Variants in TENM4 observed in about 807,000 individuals in gnomAD.
TENM4 encodes the protein teneurin-4.
A neutral mutation model predicts 243.3 loss-of-function variants in TENM4; 82 were observed. The ratio of observed to expected loss-of-function variants is 0.34; its 90% confidence interval spans 0.28 to 0.40. The LOEUF is 0.40. Ranked by LOEUF, TENM4 falls within the 10% of genes least tolerant of loss-of-function variation. The probability of loss-of-function intolerance (pLI) is 1.00; values close to 1 mark genes in which losing one functional copy is unlikely to be tolerated. For missense variants in TENM4, 3,138 were observed against 3,673.3 expected, an observed-to-expected ratio of 0.85 and a Z score of 3.77; for synonymous variants, 1,412 against 1,456.3, an observed-to-expected ratio of 0.97 and a Z score of 0.69.
intron 6 of TENM4, among the ~76,000 whole-genome samples, chr11:79,057,713 A>G (rs1406955755): frequency 1.3e-5 from 2 of 152,354 alleles, no homozygotes; most frequent in East Asian, 3.9e-4. Flanking sequence ...TGCCTGGTAC[A>G]TAGTAGGTGC....
intron 1 of TENM4, among the ~76,000 whole-genome samples, chr11:79,316,976 A>G (rs1414364887): frequency 6.6e-6 from 1 of 152,218 alleles, no homozygotes; most frequent in Non-Finnish European, 1.5e-5. Context: ...GAACTGGGCA[A>G]TGGGAGTTAT....
intron 4 of TENM4, among the ~76,000 whole-genome samples, chr11:79,085,856 A>C (rs1196316507): frequency 6.6e-6 from 1 of 152,188 alleles, no homozygotes; most frequent in Admixed American, 6.5e-5. Flanking sequence ...ATTGCTTGCC[A>C]CTTATTTCCT....
At chr11:79,255,823 C>G (rs945675502) in intron 2 of TENM4, among the ~76,000 whole-genome samples, 1 of 152,176 alleles carries the variant, frequency 6.6e-6, no homozygotes, top group Non-Finnish European at 1.5e-5. Flanking sequence ...TCTCTTCTGT[C>G]CCTTTCTCTA....
At chr11:79,189,766 T>C (rs146946677) in intron 3 of TENM4, among the ~76,000 whole-genome samples, 2 of 152,364 alleles carry the variant, frequency 1.3e-5, no homozygotes, top group African/African-American at 4.8e-5. Context: ...TGACCACAGC[T>C]GGCAAGAATA....
chr11:79,189,386 A>ATTCAT (rs1440159030), intron 3 of TENM4, among the ~76,000 whole-genome samples: 2 of 152,164 alleles, frequency 1.3e-5, no homozygotes. Flanking sequence ...ATTTATCATA[A>ATTCAT]TTATATGATT....
intron 4 of TENM4, among the ~76,000 whole-genome samples, chr11:79,075,608 A>G (rs968282162): frequency 1.3e-5 from 2 of 152,248 alleles, no homozygotes; most frequent in African/African-American, 4.8e-5. Context: ...GGGAAGCTCA[A>G]GTAGCAAATA....
chr11:79,358,733 C>A (rs1449396935), intron 1 of TENM4, among the ~76,000 whole-genome samples: 1 of 79,606 alleles, frequency 1.3e-5, no homozygotes, highest in Non-Finnish European at 2.3e-5. Flanking sequence ...CCTCTTCCTT[C>A]CCTCTTCCTT....
chr11:79,317,868 C>T (rs758618848), intron 1 of TENM4, among the ~76,000 whole-genome samples: 10 of 152,150 alleles, frequency 6.6e-5, no homozygotes, highest in Non-Finnish European at 1.3e-4. Context: ...ACATTTCCCA[C>T]TGCTTTTGTC....
intron 2 of TENM4, among the ~76,000 whole-genome samples, chr11:79,282,514 A>G (rs1229574875): frequency 6.6e-6 from 1 of 152,222 alleles, no homozygotes; most frequent in African/African-American, 2.4e-5. Context: ...GTGCAATCTC[A>G]TACTCTTGCT....
In TENM4 at chr11:79,139,139, C is replaced by A. The variant is rs1323514388; in HGVS notation, c.-66+9571G>T. Among the ~76,000 whole-genome samples the A allele has an allele frequency of 6.4e-4, 29 of 45,000 alleles. 1 individual carries two copies. Among genetic ancestry groups the A allele is most frequent in the South Asian group, 2.2e-3 (2 of 902 alleles). The allele number at this position is 45,000 out of a possible 152,430, so 29.5% of individuals were successfully genotyped here. On this transcript the variant is annotated intron_variant, in intron 4 of 33. Coordinates refer to ENST00000278550, the MANE Select transcript of TENM4 (RefSeq NM_001098816.3). The stretch of plus-strand genomic sequence containing the variant: ...ATTTCTATAAATATATATTATATTT[C>A]TATAAATATATAAAATATATATTAT...
At chr11:79,113,379 C>T (rs897681809) in intron 4 of TENM4, among the ~76,000 whole-genome samples, 5 of 130,522 alleles carry the variant, frequency 3.8e-5, no homozygotes, top group East Asian at 4.2e-4. Flanking sequence ...GTTACTCCCC[C>T]GCCTATTGGA....
intron 1 of TENM4, among the ~76,000 whole-genome samples, chr11:79,406,323 GT>G (rs1005996105): frequency 2.0e-5 from 3 of 151,934 alleles, no homozygotes; most frequent in African/African-American, 4.8e-5. Context: ...ATTATCTTAA[GT>G]GAAAAAAACA....
chr11:79,439,012 C>T (rs1385088782), intron 1 of TENM4: 2 of 152,026 alleles, frequency 1.3e-5, no homozygotes, highest in Non-Finnish European at 2.9e-5. Flanking sequence ...ACCGGGAGCT[C>T]GCATCACAGT....
chr11:79,331,685 G>A (rs1374646664), intron 1 of TENM4, among the ~76,000 whole-genome samples: 1 of 152,174 alleles, frequency 6.6e-6, no homozygotes, highest in African/African-American at 2.4e-5. Context: ...TGACACATTA[G>A]CTCCCTCTCA....
intron 4 of TENM4, among the ~76,000 whole-genome samples, chr11:79,144,637 A>T (rs184337650): frequency 6.6e-6 from 1 of 152,208 alleles, no homozygotes; most frequent in East Asian, 1.9e-4. Flanking sequence ...AACAACATGG[A>T]TGGAACTGGA....
chr11:79,167,886 A>T (rs1862951742), intron 3 of TENM4, among the ~76,000 whole-genome samples: 1 of 152,192 alleles, frequency 6.6e-6, no homozygotes, highest in Non-Finnish European at 1.5e-5. Flanking sequence ...GCATGTAGAG[A>T]TTTAAAAAAA....
intron 1 of TENM4, among the ~76,000 whole-genome samples, chr11:79,431,741 C>T (rs1422050975): frequency 2.0e-5 from 3 of 152,194 alleles, no homozygotes; most frequent in Admixed American, 2.0e-4. Flanking sequence ...TGTAGTCATA[C>T]ATTCAGTACG....
At position 78,899,570 on chromosome 11, in the gene TENM4, GGAA is replaced by G. The variant is rs1565430071; in HGVS notation, c.749+3695_749+3697del. Among the ~76,000 whole-genome samples, 5 of 120,874 alleles carry G rather than the reference GGAA, an allele frequency of 4.1e-5. 1 individual carries two copies. Among genetic ancestry groups the G allele is most frequent in the Non-Finnish European group, 7.1e-5 (4 of 56,604 alleles). The allele number at this position is 120,874 out of a possible 152,430, so 79.3% of individuals were successfully genotyped here. On this transcript the variant is annotated intron_variant, in intron 7 of 33. Coordinates refer to ENST00000278550, the MANE Select transcript of TENM4 (RefSeq NM_001098816.3). ...TCTGTCTCAAAAAGCGGGGGGGGGG[GGAA>G]AAAGAAAAAAGAAAGAAAATTTGAT...
chr11:78,993,407 G>T (rs1171429586), intron 6 of TENM4, among the ~76,000 whole-genome samples: 2 of 151,954 alleles, frequency 1.3e-5, no homozygotes. Context: ...CTGGATTTGT[G>T]GGCTTAATTT....
Sources: gnomAD v4.1 joint callset for allele counts (sites outside exome capture counted in the v4.1 genomes callset) on GRCh38, gnomAD v4.1.1 for gene constraint, MANE v1.5 for transcripts, NCBI Gene and HGNC (gene_info 2026-07-23, HGNC 2026-07-21) for gene names.